The following MYT1L variants were observed in gnomAD, a reference collection of about 807,000 sequenced individuals.
The protein encoded by MYT1L is myelin transcription factor 1-like protein.
In MYT1L, 12 loss-of-function variants were observed where a neutral mutation model predicts 126.7. The observed-to-expected ratio is 0.09, with a 90% CI of 0.06 to 0.15. The LOEUF is 0.15. Among genes scored for constraint, MYT1L ranks in the 10% least tolerant of loss-of-function variants. MYT1L has a pLI of 1.00. For missense variants in MYT1L, 979 were observed against 1,585.2 expected (o/e 0.62, Z 6.49); for synonymous variants, 541 against 604.2 (o/e 0.90, Z 1.53).
At chr2:2,122,190 G>A (rs372299692) in intron 3 of MYT1L, among the ~76,000 whole-genome samples, 1 of 152,166 alleles carries the variant, frequency 6.6e-6, no homozygotes, top group Admixed American at 6.5e-5. Context: ...TGTGGGCACC[G>A]GCTCCAGACT....
chr2:1,952,698 C>A (rs533318275), intron 8 of MYT1L, among the ~76,000 whole-genome samples: 1 of 112,698 alleles, frequency 8.9e-6, no homozygotes, highest in Non-Finnish European at 1.9e-5. Flanking sequence ...TCCTTCCTTC[C>A]TTTCTTCCTT....
intron 14 of MYT1L, chr2:1,902,830 G>A (rs1274592550): frequency 2.0e-6 from 1 of 500,518 alleles, no homozygotes; most frequent in East Asian, 3.6e-5. Context: ...CATTCCACGA[G>A]CAGCCGAGTG....
intron 21 of MYT1L, among the ~76,000 whole-genome samples, chr2:1,836,896 G>A (rs535407821): frequency 6.6e-6 from 1 of 152,376 alleles, no homozygotes; most frequent in Non-Finnish European, 1.5e-5. Context: ...CTCTGTGCCA[G>A]GGACCCTGGG....
chr2:2,320,628 G>T (rs1435577535), intron 1 of MYT1L, among the ~76,000 whole-genome samples: 2 of 152,128 alleles, frequency 1.3e-5, no homozygotes, highest in African/African-American at 4.8e-5. Context: ...AGGATATGAG[G>T]CCAAAAACAG....
intron 2 of MYT1L, among the ~76,000 whole-genome samples, chr2:2,269,188 A>G (rs957588096): frequency 1.2e-4 from 18 of 152,318 alleles, no homozygotes; most frequent in African/African-American, 4.1e-4. Context: ...ATTCCCACAC[A>G]CTTATTTTAG....
intron 4 of MYT1L, among the ~76,000 whole-genome samples, chr2:2,015,438 G>A (rs1242893627): frequency 6.6e-6 from 1 of 152,134 alleles, no homozygotes; most frequent in Non-Finnish European, 1.5e-5. Flanking sequence ...TCCCGCAGCT[G>A]GACCACCTGG....
intron 8 of MYT1L, among the ~76,000 whole-genome samples, chr2:1,956,542 TATCTATC>T (rs1482733531): frequency 1.4e-5 from 2 of 147,960 alleles, no homozygotes; most frequent in Non-Finnish European, 3.0e-5. Context: ...TCTATCTATC[TATCTATC>T]ATCTATCCTA....
At chr2:2,094,902 C>A (rs2077277736) in intron 3 of MYT1L, among the ~76,000 whole-genome samples, 1 of 152,056 alleles carries the variant, frequency 6.6e-6, no homozygotes, top group South Asian at 2.1e-4. Flanking sequence ...GCACATGTAC[C>A]CTAGAACTTA....
rs557295035 is a variant in MYT1L at position 1,813,160 on chromosome 2, G to T, written c.3081-3993C>A. Among the ~76,000 whole-genome samples the T allele has an allele frequency of 9.2e-5, 14 of 152,322 alleles. No individual in the cohort carries two copies. In the South Asian group the frequency reaches 2.9e-3, roughly 32 times the overall value. On this transcript the variant is annotated intron_variant, in intron 21 of 24. Coordinates refer to ENST00000647738, the MANE Select transcript of MYT1L (RefSeq NM_001303052.2). ...TCCCTGTGTTTGCGAATGGCATTGA[G>T]GGGCCAGGAGCTGCAGGTGGGGGGG...
chr2:2,022,582 TA>T (rs1482137828), intron 4 of MYT1L, among the ~76,000 whole-genome samples: 2 of 152,038 alleles, frequency 1.3e-5, no homozygotes, highest in Non-Finnish European at 2.9e-5. Flanking sequence ...GATAACACCC[TA>T]AGTCAAAGGT....
chr2:1,873,219 T>C (rs1340393055), intron 18 of MYT1L, among the ~76,000 whole-genome samples: 1 of 152,260 alleles, frequency 6.6e-6, no homozygotes, highest in African/African-American at 2.4e-5. Context: ...ATTCAGACTA[T>C]ATTTTAAAAT....
chr2:1,807,540 G>A (rs1232068224), intron 22 of MYT1L, among the ~76,000 whole-genome samples: 2 of 152,176 alleles, frequency 1.3e-5, no homozygotes, highest in Non-Finnish European at 2.9e-5. Flanking sequence ...CAGGGCATCC[G>A]TGCTTTGTGG....
At chr2:2,172,671 C>T (rs187321304) in intron 3 of MYT1L, among the ~76,000 whole-genome samples, 1 of 151,736 alleles carries the variant, frequency 6.6e-6, no homozygotes, top group East Asian at 2.0e-4. Context: ...GCAGGGGTAC[C>T]TGTACTCTGT....
At chr2:2,296,502 T>C (rs1439147431) in intron 1 of MYT1L, among the ~76,000 whole-genome samples, 1 of 152,228 alleles carries the variant, frequency 6.6e-6, no homozygotes, top group Admixed American at 6.5e-5. Context: ...TGTATGGGCA[T>C]GGTATATGCT....
intron 8 of MYT1L, among the ~76,000 whole-genome samples, chr2:1,973,618 C>T (rs1346802347): frequency 6.6e-6 from 1 of 152,212 alleles, no homozygotes. Flanking sequence ...TGAATAACAA[C>T]GTCTCTTTAG....
intron 23 of MYT1L, among the ~76,000 whole-genome samples, chr2:1,798,650 G>C (rs186079225): frequency 6.6e-6 from 1 of 152,316 alleles, no homozygotes; most frequent in Non-Finnish European, 1.5e-5. Flanking sequence ...AAGAAAACAC[G>C]GGGTCTGGGC....
intron 1 of MYT1L, among the ~76,000 whole-genome samples, chr2:2,292,461 T>A (rs1046078629): frequency 6.6e-6 from 1 of 152,246 alleles, no homozygotes; most frequent in Non-Finnish European, 1.5e-5. Flanking sequence ...CTATTTTTTA[T>A]TTTCTTGTGG....
chr2:1,833,516 G>A (rs555199129), intron 21 of MYT1L, among the ~76,000 whole-genome samples: 1 of 152,220 alleles, frequency 6.6e-6, no homozygotes, highest in South Asian at 2.1e-4. Flanking sequence ...GACTTCTGTC[G>A]TTGTAGAATT....
intron 4 of MYT1L, among the ~76,000 whole-genome samples, chr2:2,011,321 G>GGCAGTGAGTT (rs370149842): frequency 1.3e-5 from 2 of 151,900 alleles, no homozygotes; most frequent in Non-Finnish European, 2.9e-5. Flanking sequence ...GAACCCGGGA[G>GGCAGTGAGTT]GCAGTGAGTT....
Sources: gnomAD v4.1 joint callset for allele counts (sites outside exome capture counted in the v4.1 genomes callset) on GRCh38, gnomAD v4.1.1 for gene constraint, MANE v1.5 for transcripts, NCBI Gene and HGNC (gene_info 2026-07-23, HGNC 2026-07-21) for gene names.